RHBDD1: variants seen among roughly 807,000 people sequenced by gnomAD.
The protein encoded by RHBDD1 is rhomboid-related protein 4.
RHBDD1 carries 38 observed loss-of-function variants against 36.3 expected under a neutral mutation model. That is an observed-to-expected ratio of 1.05 (90% confidence interval 0.81 to 1.37). The LOEUF (loss-of-function observed/expected upper bound fraction) is 1.37, where lower values mean the gene tolerates loss of function less well. Among genes scored for constraint, RHBDD1 ranks in the 40% most tolerant of loss-of-function variants. RHBDD1 has a pLI of 0.00. For synonymous variants in RHBDD1, 151 were observed against 136.5 expected, an observed-to-expected ratio of 1.11 and a Z score of -0.74; for missense variants, 393 against 377.6, an observed-to-expected ratio of 1.04 and a Z score of -0.34.
chr2:226,914,587 C>A, intron 8 of RHBDD1: 1 of 276,878 alleles, frequency 3.6e-6, no homozygotes, highest in South Asian at 1.2e-4. Flanking sequence ...TTTTTATAGT[C>A]CTGCTGTACT....
At chr2:226,906,450 T>G (rs1279357424) in intron 5 of RHBDD1, among the ~76,000 whole-genome samples, 1 of 152,174 alleles carries the variant, frequency 6.6e-6, no homozygotes, top group Non-Finnish European at 1.5e-5. Flanking sequence ...AAACTGATTT[T>G]ATTTATGTTT....
At chr2:226,880,265 C>G (rs373774092) in intron 5 of RHBDD1, among the ~76,000 whole-genome samples, 95 of 152,126 alleles carry the variant, frequency 6.2e-4, no homozygotes, top group African/African-American at 2.2e-3. Flanking sequence ...CAGGACTGTC[C>G]CAAGCAGATT....
At chr2:226,869,910 C>G (rs970659631) in intron 5 of RHBDD1, among the ~76,000 whole-genome samples, 3 of 152,190 alleles carry the variant, frequency 2.0e-5, no homozygotes, top group Non-Finnish European at 2.9e-5. Flanking sequence ...CTAGACCAGG[C>G]TTCTGTCCCT....
intron 8 of RHBDD1, among the ~76,000 whole-genome samples, chr2:226,923,742 T>A (rs1190902724): frequency 6.6e-6 from 1 of 152,118 alleles, no homozygotes; most frequent in Non-Finnish European, 1.5e-5. Flanking sequence ...TCAAATAGCC[T>A]GTCTTCAGGG....
chr2:226,875,568 T>C (rs867986828), intron 5 of RHBDD1, among the ~76,000 whole-genome samples: 2 of 152,060 alleles, frequency 1.3e-5, no homozygotes, highest in South Asian at 4.2e-4. Context: ...GAATGTTAGT[T>C]CAATAAAAAT....
At chr2:226,924,790 T>A (rs144093747) in intron 8 of RHBDD1, among the ~76,000 whole-genome samples, 3 of 152,320 alleles carry the variant, frequency 2.0e-5, no homozygotes, top group African/African-American at 7.2e-5. Flanking sequence ...CTGGCAGTGC[T>A]GAGTTCCAAT....
intron 8 of RHBDD1, among the ~76,000 whole-genome samples, chr2:226,985,317 G>A (rs1956688822): frequency 6.6e-6 from 1 of 152,176 alleles, no homozygotes; most frequent in Non-Finnish European, 1.5e-5. Context: ...ATATGACATA[G>A]AAACTGCTAG....
intron 8 of RHBDD1, among the ~76,000 whole-genome samples, chr2:226,967,975 T>C (rs1361331354): frequency 6.6e-6 from 1 of 152,200 alleles, no homozygotes; most frequent in Non-Finnish European, 1.5e-5. Flanking sequence ...ATGACTCTCT[T>C]TTGCTAGTTA....
At chr2:226,988,404 C>T in intron 8 of RHBDD1, 2 of 1,550,416 alleles carry the variant, frequency 1.3e-6, no homozygotes, top group Non-Finnish European at 1.7e-6. Context: ...GACAAAGGAC[C>T]CAGATGCCTG....
chr2:226,932,992 A>C (rs1950120824), intron 8 of RHBDD1, among the ~76,000 whole-genome samples: 1 of 152,060 alleles, frequency 6.6e-6, no homozygotes, highest in Non-Finnish European at 1.5e-5. Context: ...AGAAGCTTAC[A>C]ATCATGGTGG....
intron 5 of RHBDD1, among the ~76,000 whole-genome samples, chr2:226,879,549 T>A (rs1465473181): frequency 6.6e-6 from 1 of 152,180 alleles, no homozygotes; most frequent in Non-Finnish European, 1.5e-5. Context: ...AACAAAGTTA[T>A]TAGTAAAACC....
intron 5 of RHBDD1, among the ~76,000 whole-genome samples, chr2:226,880,595 A>G (rs997704584): frequency 7.2e-5 from 11 of 152,192 alleles, no homozygotes; most frequent in African/African-American, 2.7e-4. Flanking sequence ...TTGAAGTCCA[A>G]TTCTGTGGAG....
the RHBDD1 span, among the ~76,000 whole-genome samples, chr2:226,805,725 C>A: frequency 1.3e-5 from 2 of 152,208 alleles, no homozygotes; most frequent in Non-Finnish European, 2.9e-5. Context: ...AGTAATCCCT[C>A]AACTTCATTT....
chr2:226,961,652 C>G (rs1459423124), intron 8 of RHBDD1, among the ~76,000 whole-genome samples: 1 of 151,960 alleles, frequency 6.6e-6, no homozygotes, highest in African/African-American at 2.4e-5. Context: ...CCTAACTGAC[C>G]CCAGAGCTCT....
chr2:226,947,299 C>G (rs1212707427), intron 8 of RHBDD1, among the ~76,000 whole-genome samples: 1 of 151,670 alleles, frequency 6.6e-6, no homozygotes, highest in East Asian at 1.9e-4. Flanking sequence ...AGGAAGGGAT[C>G]CAGTTTCAGC....
At chr2:226,929,209 A>G (rs1949857428) in intron 8 of RHBDD1, among the ~76,000 whole-genome samples, 1 of 152,066 alleles carries the variant, frequency 6.6e-6, no homozygotes. Context: ...GAATAAAAAT[A>G]CAGACAAATA....
At chr2:226,925,441 A>G (rs1339933611) in intron 8 of RHBDD1, among the ~76,000 whole-genome samples, 1 of 152,222 alleles carries the variant, frequency 6.6e-6, no homozygotes, top group African/African-American at 2.4e-5. Context: ...GCATGAAAAT[A>G]TGATTACAAC....
At chr2:226,880,192 CCT>C (rs1244509331) in intron 5 of RHBDD1, among the ~76,000 whole-genome samples, 1 of 151,914 alleles carries the variant, frequency 6.6e-6, no homozygotes, top group Admixed American at 6.6e-5. Context: ...AGAATGATAC[CCT>C]GTTTCATTTC....
At chr2:226,915,799 G>C (rs1948859714) in intron 8 of RHBDD1, among the ~76,000 whole-genome samples, 1 of 152,218 alleles carries the variant, frequency 6.6e-6, no homozygotes, top group Non-Finnish European at 1.5e-5. Flanking sequence ...AAGAGTTTCA[G>C]AACTGTGATG....
Sources: gnomAD v4.1 joint callset for allele counts (sites outside exome capture counted in the v4.1 genomes callset) on GRCh38, gnomAD v4.1.1 for gene constraint, MANE v1.5 for transcripts, NCBI Gene and HGNC (gene_info 2026-07-23, HGNC 2026-07-21) for gene names.